The following VRK3 variants were observed in gnomAD, a reference collection of about 807,000 sequenced individuals.
The protein encoded by VRK3 is VRK serine/threonine kinase 3.
VRK3 carries 50 observed loss-of-function variants against 60.4 expected under a neutral mutation model. That is an observed-to-expected ratio of 0.83 (90% CI 0.66 to 1.05). The LOEUF (loss-of-function observed/expected upper bound fraction) is 1.05. VRK3 is among the 50% of genes least tolerant of loss of function. VRK3 has a pLI of 0.00. For missense variants in VRK3, 549 were observed against 585.3 expected (o/e 0.94, Z 0.64); for synonymous variants, 246 against 227.8 (o/e 1.08, Z -0.72).
intron 5 of VRK3, among the ~76,000 whole-genome samples, chr19:50,003,385 C>T (rs765713388): frequency 1.1e-4 from 17 of 152,222 alleles, no homozygotes; most frequent in South Asian, 2.1e-4. Context: ...AACACAAGCC[C>T]CACCTTTCAT....
intron 1 of VRK3, among the ~76,000 whole-genome samples, chr19:50,021,940 A>G (rs2077177311): frequency 6.6e-6 from 1 of 152,252 alleles, no homozygotes; most frequent in African/African-American, 2.4e-5. Flanking sequence ...AGAGGCTCAG[A>G]GAGCAAATGA....
chr19:49,988,181 G>A (rs1357819896), intron 12 of VRK3, 191 bp downstream of exon 12: 4 of 753,692 alleles, frequency 5.3e-6, no homozygotes, highest in Non-Finnish European at 7.8e-6. Context: ...AGCCCAGGCA[G>A]TGTGGCTCCG....
chr19:50,012,239 T>C (rs993016818), intron 3 of VRK3, among the ~76,000 whole-genome samples: 1 of 152,198 alleles, frequency 6.6e-6, no homozygotes, highest in Non-Finnish European at 1.5e-5. Flanking sequence ...CCCAAAGTGC[T>C]GGGATTACAT....
chr19:49,981,670 AGAGGATCCCTTTGATGAT>A, intron 12 of VRK3: 1 of 984,924 alleles, frequency 1.0e-6, no homozygotes, highest in Non-Finnish European at 1.2e-6. Context: ...CTTAAGACGG[AGAGGATCCCTTTGATGAT>A]GAGGAAAGAT....
At chr19:50,023,992 G>C (rs895107326) in intron 1 of VRK3, among the ~76,000 whole-genome samples, 4 of 152,246 alleles carry the variant, frequency 2.6e-5, no homozygotes, top group Admixed American at 2.0e-4. Flanking sequence ...TTGGAGAGCA[G>C]TGGCACGACC....
chr19:49,996,255 C>T (rs1178303065), intron 7 of VRK3, among the ~76,000 whole-genome samples: 1 of 151,910 alleles, frequency 6.6e-6, no homozygotes, highest in African/African-American at 2.4e-5. Context: ...ATGGGTTTTG[C>T]CATGTTGGCC....
chr19:50,019,490 T>C (rs1416736717), intron 2 of VRK3, among the ~76,000 whole-genome samples: 1 of 151,794 alleles, frequency 6.6e-6, no homozygotes, highest in Non-Finnish European at 1.5e-5. Context: ...TGCTGAAGCC[T>C]AGCCTAGCCA....
intron 3 of VRK3, among the ~76,000 whole-genome samples, chr19:50,014,512 T>C (rs891325088): frequency 1.3e-5 from 2 of 150,608 alleles, no homozygotes; most frequent in Non-Finnish European, 3.0e-5. Flanking sequence ...TGAGCCGAGA[T>C]GTTGCAGTGA....
At chr19:49,995,600 G>A (rs1185445378) in intron 7 of VRK3, among the ~76,000 whole-genome samples, 2 of 149,224 alleles carry the variant, frequency 1.3e-5, no homozygotes, top group East Asian at 4.1e-4. Context: ...AGATCAACAC[G>A]TGTCTAACCT....
intron 10 of VRK3, among the ~76,000 whole-genome samples, chr19:49,992,264 A>T (rs1168421450): frequency 6.6e-6 from 1 of 152,130 alleles, no homozygotes; most frequent in Non-Finnish European, 1.5e-5. Flanking sequence ...AAAATTAGCT[A>T]GGCGTAGTGG....
chr19:49,994,790 G>A, intron 9 of VRK3, 24 bp downstream of exon 9: 1 of 1,604,150 alleles, frequency 6.2e-7, no homozygotes, highest in Non-Finnish European at 8.5e-7. Flanking sequence ...TGACGCGGCA[G>A]CTGAGCAACT....
In VRK3 at chr19:49,995,293, T is replaced by G. The variant is rs756263353; in HGVS notation, c.680-18A>C. The G allele has an allele frequency of 2.5e-6, 4 of 1,613,448 alleles. No homozygotes were observed. The East Asian group carries it at 8.9e-5, about 36-fold the overall frequency. ...CTTGTTGACTGCGGAAAGCAGGGGC[T>G]TGAGGTTAGAACCCACCCAGTCCCA... On this transcript the variant is annotated intron_variant, in intron 7 of 14. Coordinates refer to ENST00000316763, the MANE Select transcript of VRK3 (RefSeq NM_016440.4).
In VRK3 at chr19:50,014,507, C is replaced by T. The variant is rs150338804; in HGVS notation, c.139+1517G>A. Among the ~76,000 whole-genome samples, 493 of 152,110 alleles carry T rather than the reference C, an allele frequency of 3.2e-3. 2 individuals are homozygous for T. Among genetic ancestry groups the T allele is most frequent in the African/African-American group, 0.011 (451 of 41,480 alleles). Reference sequence around the variant, plus strand: ...CTGGGAGACGGAGGTTGCAGTGAGCCGAGATGTTGCAGTGAGCCAAGATTG... The same window carrying T: ...CTGGGAGACGGAGGTTGCAGTGAGCTGAGATGTTGCAGTGAGCCAAGATTG... On this transcript the variant is annotated intron_variant, in intron 3 of 14. Coordinates refer to ENST00000316763, the MANE Select transcript of VRK3 (RefSeq NM_016440.4).
intron 5 of VRK3, among the ~76,000 whole-genome samples, chr19:50,007,122 A>G (rs994390747): frequency 6.6e-6 from 1 of 152,118 alleles, no homozygotes; most frequent in Non-Finnish European, 1.5e-5. Context: ...CTATTATGTA[A>G]GCAATAAACC....
At chr19:50,007,438 A>C in intron 5 of VRK3, 131 bp downstream of exon 5, 2 of 1,395,548 alleles carry the variant, frequency 1.4e-6, no homozygotes, top group Non-Finnish European at 2.0e-6. Context: ...CCAAGGTCTA[A>C]GAGAAAGTTG....
chr19:49,997,524 C>T lies in VRK3; in HGVS notation c.659G>A (p.Arg220Gln), dbSNP rs377134904. Residue 220 changes from arginine to glutamine, a missense_variant, in exon 7 of 15, where the codon CGG (arginine) becomes CAG (glutamine). Transcript: ENST00000316763. ...RLFNEQNFFQ[R>Q]AAKPLQVNKW... Reference sequence around the variant, plus strand: ...GGTACCTTGCAGAGGCTTGGCGGCCCGCTGGAAGAAGTTCTGCTCATTGAA... The same window carrying T: ...GGTACCTTGCAGAGGCTTGGCGGCCTGCTGGAAGAAGTTCTGCTCATTGAA... The T allele has an allele frequency of 1.1e-5, 17 of 1,613,824 alleles. No individual in the cohort carries two copies. Among genetic ancestry groups the T allele is most frequent in the Admixed American group, 5.0e-5 (3 of 59,982 alleles).
chr19:50,010,697 GA>G (rs2076981150), intron 3 of VRK3, among the ~76,000 whole-genome samples: 1 of 152,204 alleles, frequency 6.6e-6, no homozygotes, highest in Non-Finnish European at 1.5e-5. Context: ...TGGATCGCCT[GA>G]GGTCAGGAGT....
rs889102258 is a variant in VRK3, at chr19:49,988,170, G to A, written c.1217+202C>T. On this transcript the variant is annotated intron_variant, in intron 12 of 14. Coordinates refer to ENST00000316763, the MANE Select transcript of VRK3 (RefSeq NM_016440.4). The stretch of plus-strand genomic sequence containing the variant: ...CCCCACAGTGGTGGTGCCAGAGTCT[G>A]AGCCCAGGCAGTGTGGCTCCGGAAC... The A allele has an allele frequency of 4.6e-6, 3 of 652,898 alleles. No homozygotes were observed. The African/African-American group carries it at 5.6e-5, about 12-fold the overall frequency. 40.4% of individuals were successfully genotyped at this position (652,898 alleles called of 1,614,324 possible). A position where few individuals can be genotyped will look rare whatever the true frequency, so the allele number is the denominator to read the frequency against.
chr19:50,013,301 C>A (rs2077024859), intron 3 of VRK3, among the ~76,000 whole-genome samples: 1 of 152,218 alleles, frequency 6.6e-6, no homozygotes, highest in Non-Finnish European at 1.5e-5. Flanking sequence ...GGAACAAAAG[C>A]CATATGCTAA....
Sources: allele counts gnomAD v4.1 joint callset (sites outside exome capture counted in the v4.1 genomes callset), GRCh38; gene constraint gnomAD v4.1.1; transcripts MANE v1.5; gene names NCBI Gene and HGNC (gene_info 2026-07-23, HGNC 2026-07-21).